ISOC1: variants seen among roughly 807,000 people sequenced by gnomAD.
ISOC1 encodes the protein isochorismatase domain-containing protein 1.
In ISOC1, 33 loss-of-function variants were observed where a neutral mutation model predicts 30.0. That is an observed-to-expected ratio of 1.10 (90% CI 0.83 to 1.47). ISOC1 has a LOEUF of 1.47. Among genes scored for constraint, ISOC1 ranks in the 40% most tolerant of loss-of-function variants. The probability of loss-of-function intolerance (pLI) is 0.00; values close to 1 mark genes in which losing one functional copy is unlikely to be tolerated. For missense variants in ISOC1, 372 were observed against 388.0 expected (o/e 0.96, Z 0.35); for synonymous variants, 178 against 159.8 (o/e 1.11, Z -0.86).
At position 129,113,076 on chromosome 5, in the gene ISOC1, T is replaced by G; in HGVS notation, c.*75T>G. 2 of 1,354,200 alleles carry G rather than the reference T, an allele frequency of 1.5e-6. No individual in the cohort carries two copies. The highest frequency in any genetic ancestry group is 2.0e-6 in the Non-Finnish European group (2 of 996,636). The allele number at this position is 1,354,200 out of a possible 1,614,324, so 83.9% of individuals were successfully genotyped here. On this transcript the variant is annotated 3_prime_UTR_variant, in exon 5 of 5. Transcript: ENST00000173527. Reference sequence around the variant, plus strand: ...AAGGACTGTAAGCCCACACAAGCTCTTCTTATCTCTACTAGAATTAAAATG... The same window carrying G: ...AAGGACTGTAAGCCCACACAAGCTCGTCTTATCTCTACTAGAATTAAAATG...
intron 1 of ISOC1, among the ~76,000 whole-genome samples, chr5:129,102,035 A>G (rs983634490): frequency 1.3e-5 from 2 of 152,174 alleles, no homozygotes; most frequent in African/African-American, 4.8e-5. Flanking sequence ...GATGTCATTA[A>G]TGACATTAAT....
chr5:129,112,951 A>C lies in ISOC1; in HGVS notation c.847A>C (p.Asn283His). 4 of 1,613,828 alleles carry C rather than the reference A, an allele frequency of 2.5e-6. No homozygotes were observed. Among genetic ancestry groups the C allele is most frequent in the Non-Finnish European group, 3.4e-6 (4 of 1,179,794 alleles). ...KDHPKFKEIQ[N>H]LIKASAPESG... ...CCATCCAAAATTCAAGGAAATTCAG[A>C]ATCTAATTAAGGCGAGTGCTCCAGA... The change falls in exon 5 of 5, where the codon AAT becomes CAT. Residue 283 changes from asparagine (N) to histidine (H), a missense_variant. Coordinates refer to ENST00000173527, the MANE Select transcript of ISOC1 (RefSeq NM_016048.2).
intron 4 of ISOC1, among the ~76,000 whole-genome samples, chr5:129,109,973 G>A (rs1753685078): frequency 6.6e-6 from 1 of 152,122 alleles, no homozygotes; most frequent in Non-Finnish European, 1.5e-5. Flanking sequence ...TTCAAGAAAT[G>A]TTTTCTGGGT....
At chr5:129,109,726 G>A (rs1044279912) in intron 4 of ISOC1, among the ~76,000 whole-genome samples, 5 of 152,146 alleles carry the variant, frequency 3.3e-5, no homozygotes, top group Non-Finnish European at 7.3e-5. Flanking sequence ...ATACGGAGGC[G>A]ATATACCTTG....
At chr5:129,095,835 T>C (rs574092587) in intron 1 of ISOC1, among the ~76,000 whole-genome samples, 1 of 152,234 alleles carries the variant, frequency 6.6e-6, no homozygotes, top group African/African-American at 2.4e-5. Context: ...TAAGCTGTGC[T>C]CTCATGCTAG....
In ISOC1 at chr5:129,094,967, A is replaced by G. The variant is rs1753474747; in HGVS notation, c.201A>G (p.Lys67=). The G allele has an allele frequency of 6.2e-7, 1 of 1,612,106 alleles. No individual in the cohort carries two copies. Among genetic ancestry groups the G allele is most frequent in the Non-Finnish European group, 8.5e-7 (1 of 1,179,820 alleles). ...GCGACCAGATCGACATGCACCGCAA[A>G]TTCGTGGTGCAGCTGTTCGCCGAGG... ...LYGDQIDMHR[K]FVVQLFAEEW... is the part of the protein sequence containing the mutation. The change falls in exon 1 of 5, where the codon AAA becomes AAG. Residue 67 remains lysine (K), a synonymous_variant. Transcript: ENST00000173527.
At position 129,096,630 on chromosome 5, in the gene ISOC1, A is replaced by G. The variant is rs73784849; in HGVS notation, c.309+1555A>G. On this transcript the variant is annotated intron_variant, in intron 1 of 4. Coordinates refer to ENST00000173527, the MANE Select transcript of ISOC1 (RefSeq NM_016048.2). ...GTCTTCAAGCGTTTTCGTGTCTGACACCTCTCTGCAGCCTTCCTTGTCAGT... is the reference window on the plus strand; with the variant it reads ...GTCTTCAAGCGTTTTCGTGTCTGACGCCTCTCTGCAGCCTTCCTTGTCAGT... 4.1e-3 allele frequency among the ~76,000 whole-genome samples: 621 copies of G among 152,184 alleles called. 1 individual carries two copies. The highest frequency in any genetic ancestry group is 0.014 in the African/African-American group (583 of 41,506).
chr5:129,107,043 A>C lies in ISOC1; in HGVS notation c.731A>C (p.Asp244Ala), dbSNP rs757314520. 6.2e-7 allele frequency: 1 copy of C among 1,613,372 alleles called. No individual in the cohort carries two copies. Among genetic ancestry groups the C allele is most frequent in the South Asian group, 1.1e-5 (1 of 91,068 alleles). The change falls in exon 4 of 5, where the codon GAC (aspartate) becomes GCC (alanine). Residue 244 changes from aspartate to alanine, a missense_variant. Physicochemically the swap from Asp to Ala is moderately radical, Grantham distance 126. Transcript: ENST00000173527. Reference sequence around the variant, plus strand: ...GCCACCTCATCAAGAAGCATGATGGACAGGATGTTTGCCCTCGAGGTAATT... The same window carrying C: ...GCCACCTCATCAAGAAGCATGATGGCCAGGATGTTTGCCCTCGAGGTAATT... ...ADATSSRSMM[D>A]RMFALERLAR...
At chr5:129,106,867 T>C (rs986295411) in intron 3 of ISOC1, 79 bp from the exon 4 acceptor site, 1 of 990,748 alleles carries the variant, frequency 1.0e-6, no homozygotes, top group Admixed American at 1.9e-5. Context: ...CTCTGTCTGC[T>C]TTATCATGTT....
In ISOC1 at chr5:129,095,190, C is replaced by T. The variant is rs974496017; in HGVS notation, c.309+115C>T. 4 of 1,045,342 alleles carry T rather than the reference C, an allele frequency of 3.8e-6. No homozygotes were observed. In the East Asian group the frequency reaches 8.7e-5, roughly 23 times the overall value. 64.8% of individuals were successfully genotyped at this position (1,045,342 alleles called of 1,614,324 possible). A position where few individuals can be genotyped will look rare whatever the true frequency, so the allele number is the denominator to read the frequency against. Reference sequence around the variant, plus strand: ...CCCCGAGCCGCCCGGGACCCGGGCCCTGCGCGAGTGGCTGAGTCCGAAGGG... The same window carrying T: ...CCCCGAGCCGCCCGGGACCCGGGCCTTGCGCGAGTGGCTGAGTCCGAAGGG... On this transcript the variant is annotated intron_variant, in intron 1 of 4. Transcript: ENST00000173527.
intron 1 of ISOC1, among the ~76,000 whole-genome samples, chr5:129,097,099 C>T (rs1369906859): frequency 7.3e-6 from 1 of 137,054 alleles, no homozygotes; most frequent in Non-Finnish European, 1.6e-5. Flanking sequence ...AATAGCATTA[C>T]TCTACTCCCT....
intron 1 of ISOC1, 143 bp from the exon 2 acceptor site, chr5:129,104,813 A>G (rs1380663145): frequency 2.8e-6 from 2 of 716,940 alleles, no homozygotes; most frequent in Admixed American, 3.4e-5. Context: ...CCTGTAATTC[A>G]GATACTTTTT....
chr5:129,101,954 G>T (rs2150170808), intron 1 of ISOC1, among the ~76,000 whole-genome samples: 1 of 152,300 alleles, frequency 6.6e-6, no homozygotes, highest in African/African-American at 2.4e-5. Context: ...GATCGGGGTT[G>T]TGAAATTTCA....
At chr5:129,110,376 C>T (rs376990664) in intron 4 of ISOC1, among the ~76,000 whole-genome samples, 4 of 152,044 alleles carry the variant, frequency 2.6e-5, no homozygotes, top group East Asian at 1.9e-4. Context: ...CAGGGACTTG[C>T]TAGGTATGTC....
At position 129,113,149 on chromosome 5, in the gene ISOC1, C is replaced by T. The variant is rs1376423180; in HGVS notation, c.*148C>T. The T allele has an allele frequency of 1.7e-6, 1 of 605,488 alleles. No individual in the cohort carries two copies. Among genetic ancestry groups the T allele is most frequent in the South Asian group, 3.0e-5 (1 of 33,662 alleles). The allele number at this position is 605,488 out of a possible 1,614,324, so 37.5% of individuals were successfully genotyped here. On this transcript the variant is annotated 3_prime_UTR_variant, in exon 5 of 5. Transcript: ENST00000173527. ...TTTGCGCCTCCTAGTGAAACTTAAC[C>T]AGCTAGACCATTTGAGTACCAGCAT...
Position 129,094,928 on chromosome 5 carries a change from C to T in ISOC1, c.162C>T (p.Phe54=). ...GAGYELLIQK[F]LSLYGDQIDM... is the part of the protein sequence containing the mutation. ...GCTACGAGCTGCTCATCCAGAAGTT[C>T]CTCAGCCTGTACGGCGACCAGATCG... Residue 54 remains phenylalanine (F), a synonymous_variant, in exon 1 of 5, where the codon TTC becomes TTT. Transcript: ENST00000173527. The T allele has an allele frequency of 1.2e-6, 2 of 1,612,388 alleles. No homozygotes were observed. The highest frequency in any genetic ancestry group is 1.1e-5 in the South Asian group (1 of 90,902).
At chr5:129,099,529 G>A (rs1006435162) in intron 1 of ISOC1, among the ~76,000 whole-genome samples, 2 of 152,148 alleles carry the variant, frequency 1.3e-5, no homozygotes, top group Non-Finnish European at 2.9e-5. Flanking sequence ...GTTTTTCCAG[G>A]AACAATCTTG....
chr5:129,110,819 G>A (rs1415595470), intron 4 of ISOC1, among the ~76,000 whole-genome samples: 2 of 152,104 alleles, frequency 1.3e-5, no homozygotes, highest in Non-Finnish European at 2.9e-5. Flanking sequence ...GGAGATTATC[G>A]AGAACTAACC....
At position 129,100,673 on chromosome 5, in the gene ISOC1, C is replaced by T. The variant is rs946440382; in HGVS notation, c.310-4283C>T. On this transcript the variant is annotated intron_variant, in intron 1 of 4. Transcript: ENST00000173527. ...GGCTACTGGCGATATTTTTTAATTA[C>T]CTTAAAGATTTTGGTTTAAGAGAAC... Among the ~76,000 whole-genome samples, 10 of 152,052 alleles carry T rather than the reference C, an allele frequency of 6.6e-5. No homozygotes were observed. In the East Asian group the frequency reaches 1.9e-3, roughly 29 times the overall value.
Sources: gnomAD v4.1 joint callset for allele counts (sites outside exome capture counted in the v4.1 genomes callset) on GRCh38, gnomAD v4.1.1 for gene constraint, MANE v1.5 for transcripts, NCBI Gene and HGNC (gene_info 2026-07-23, HGNC 2026-07-21) for gene names.